Variants in PCDH11Y observed in about 807,000 individuals in gnomAD.
PCDH11Y encodes the protein protocadherin-11 Y-linked.
For synonymous variants in PCDH11Y, 9 were observed against 83.6 expected, an observed-to-expected ratio of 0.11 and a Z score of 4.87; for missense variants, 12 against 224.8, an observed-to-expected ratio of 0.05 and a Z score of 6.05.
At chrY:5,231,576 G>T (rs2052967855) in intron 2 of PCDH11Y, among the ~76,000 whole-genome samples, 1 of 32,282 alleles carries the variant, frequency 3.1e-5, no homozygotes, top group Non-Finnish European at 7.6e-5. Context: ...CCACCACTAT[G>T]ACCCTGCTGG....
intron 2 of PCDH11Y, among the ~76,000 whole-genome samples, chrY:5,275,668 G>A (rs1269430582): frequency 3.0e-5 from 1 of 33,690 alleles, no homozygotes; most frequent in Admixed American, 2.7e-4. Context: ...TTGAGGGATA[G>A]AGGGATAGAT....
At chrY:5,727,886 T>C (rs2053599962) in intron 4 of PCDH11Y, among the ~76,000 whole-genome samples, 2 of 32,726 alleles carry the variant, frequency 6.1e-5, no homozygotes, top group Non-Finnish European at 1.5e-4. Flanking sequence ...GAGAACACTT[T>C]CATTACTCCC....
At chrY:5,327,157 T>C (rs2124666750) in intron 2 of PCDH11Y, among the ~76,000 whole-genome samples, 3 of 33,536 alleles carry the variant, frequency 8.9e-5, no homozygotes, top group South Asian at 6.7e-4. Flanking sequence ...CTGTGAAGCC[T>C]TGTGGCAGTA....
intron 2 of PCDH11Y, among the ~76,000 whole-genome samples, chrY:5,257,109 T>C: frequency 3.0e-5 from 1 of 33,383 alleles, no homozygotes; most frequent in Non-Finnish European, 7.4e-5. Context: ...GGTATCCTTG[T>C]TGTGTTCCAG....
intron 2 of PCDH11Y, among the ~76,000 whole-genome samples, chrY:5,358,199 G>A: frequency 5.9e-5 from 2 of 33,994 alleles, no homozygotes; most frequent in African/African-American, 2.3e-4. Flanking sequence ...GCCTCCCAAA[G>A]TGCTGTGATT....
chrY:5,152,879 GA>G (rs2052865261), intron 2 of PCDH11Y, among the ~76,000 whole-genome samples: 1 of 31,986 alleles, frequency 3.1e-5, no homozygotes, highest in Non-Finnish European at 7.7e-5. Flanking sequence ...CTGAGCCCTT[GA>G]ACATAACACA....
At chrY:5,264,625 T>G in intron 2 of PCDH11Y, among the ~76,000 whole-genome samples, 1 of 31,975 alleles carries the variant, frequency 3.1e-5, no homozygotes, top group Non-Finnish European at 7.7e-5. Context: ...GCTGAGCTGG[T>G]ATCCAAGATG....
At chrY:5,320,521 AT>A (rs2053111505) in intron 2 of PCDH11Y, among the ~76,000 whole-genome samples, 1 of 33,386 alleles carries the variant, frequency 3.0e-5, no homozygotes, top group Non-Finnish European at 7.4e-5. Context: ...ATCATCATGC[AT>A]TTTTTCTTTT....
chrY:5,655,653 G>T (rs2053535369), intron 4 of PCDH11Y, among the ~76,000 whole-genome samples: 4 of 32,014 alleles, frequency 1.2e-4, no homozygotes, highest in African/African-American at 4.9e-4. Flanking sequence ...CAGAACTTTT[G>T]CTGGAGAGAT....
intron 2 of PCDH11Y, among the ~76,000 whole-genome samples, chrY:5,416,069 A>G: frequency 3.2e-5 from 1 of 31,628 alleles, no homozygotes; most frequent in Non-Finnish European, 7.6e-5. Flanking sequence ...GGCCTCATAC[A>G]GTGAATTAGA....
At chrY:5,485,223 A>G in intron 2 of PCDH11Y, among the ~76,000 whole-genome samples, 1 of 33,556 alleles carries the variant, frequency 3.0e-5, no homozygotes, top group Non-Finnish European at 7.4e-5. Flanking sequence ...TTCTTGAATG[A>G]CGCTGAGGTA....
At chrY:5,393,771 A>G (rs2053224143) in intron 2 of PCDH11Y, among the ~76,000 whole-genome samples, 3 of 28,265 alleles carry the variant, frequency 1.1e-4, no homozygotes, top group African/African-American at 4.1e-4. Flanking sequence ...TTGGCAGAAA[A>G]TTAATAAATA....
downstream of PCDH11Y, among the ~76,000 whole-genome samples, chrY:5,106,185 A>T: frequency 3.0e-5 from 1 of 33,302 alleles, no homozygotes; most frequent in Non-Finnish European, 7.4e-5. Context: ...AGAATTTTTT[A>T]AAATCATGAT....
At chrY:5,022,710 A>G in intron 1 of PCDH11Y, among the ~76,000 whole-genome samples, 1 of 33,067 alleles carries the variant, frequency 3.0e-5, no homozygotes, top group Admixed American at 2.8e-4. Flanking sequence ...TCAACTCAAA[A>G]GAATTTAAAA....
chrY:5,018,124 G>A, intron 1 of PCDH11Y, among the ~76,000 whole-genome samples: 2 of 30,590 alleles, frequency 6.5e-5, no homozygotes, highest in African/African-American at 2.5e-4. Flanking sequence ...GAATATTAAG[G>A]TTTTTCTTCT....
chrY:5,462,724 C>A (rs2053304792), intron 2 of PCDH11Y, among the ~76,000 whole-genome samples: 1 of 31,427 alleles, frequency 3.2e-5, no homozygotes, highest in African/African-American at 1.3e-4. Flanking sequence ...GCAAACTCTG[C>A]CTCCTGCGTT....
At chrY:5,238,563 A>G (rs2052982180) in intron 2 of PCDH11Y, among the ~76,000 whole-genome samples, 1 of 33,544 alleles carries the variant, frequency 3.0e-5, no homozygotes, top group African/African-American at 1.2e-4. Flanking sequence ...AAAAGCCAAA[A>G]TTGACATATG....
chrY:5,574,057 A>C, intron 3 of PCDH11Y: 1 of 214,816 alleles, frequency 4.7e-6, no homozygotes, highest in Admixed American at 8.7e-5. Flanking sequence ...CAGTCCTTGG[A>C]GATCGACCTG....
intron 3 of PCDH11Y, among the ~76,000 whole-genome samples, chrY:5,530,896 T>C: frequency 3.1e-5 from 1 of 32,253 alleles, no homozygotes; most frequent in Non-Finnish European, 7.6e-5. Flanking sequence ...GCCTAATGTG[T>C]TTAATTAGTA....
Sources: gnomAD v4.1 joint callset for allele counts (sites outside exome capture counted in the v4.1 genomes callset) on GRCh38, gnomAD v4.1.1 for gene constraint, MANE v1.5 for transcripts, NCBI Gene and HGNC (gene_info 2026-07-23, HGNC 2026-07-21) for gene names.